NUP155: variants seen among roughly 807,000 people sequenced by gnomAD.
The protein encoded by NUP155 is nucleoporin 155.
Under a neutral mutation model 180.4 loss-of-function variants are expected in NUP155, and 71 were observed. The observed-to-expected ratio is 0.39, with a 90% CI of 0.33 to 0.48. The LOEUF (loss-of-function observed/expected upper bound fraction) is 0.48. NUP155 is among the 20% of genes least tolerant of loss of function. The pLI is 0.91. For synonymous variants in NUP155, 582 were observed against 559.5 expected (o/e 1.04, Z -0.57); for missense variants, 1,553 against 1,648.9 (o/e 0.94, Z 1.01).
intron 12 of NUP155, among the ~76,000 whole-genome samples, chr5:37,336,758 C>T (rs1429503698): frequency 6.6e-6 from 1 of 152,128 alleles, no homozygotes; most frequent in Non-Finnish European, 1.5e-5. Flanking sequence ...TGCTCCTACC[C>T]CAGCTCTTTG....
chr5:37,365,099 T>C (rs1483147425), intron 1 of NUP155, among the ~76,000 whole-genome samples: 2 of 151,426 alleles, frequency 1.3e-5, no homozygotes, highest in African/African-American at 2.4e-5. Flanking sequence ...CCATCTCTAC[T>C]AAAGACACAA....
intron 1 of NUP155, among the ~76,000 whole-genome samples, chr5:37,368,500 TGA>T (rs1317744598): frequency 1.3e-5 from 2 of 152,068 alleles, no homozygotes; most frequent in Non-Finnish European, 2.9e-5. Context: ...CCCAAAGTGC[TGA>T]GACTATTGGG....
At chr5:37,334,780 AATT>A in intron 12 of NUP155, among the ~76,000 whole-genome samples, 1 of 152,334 alleles carries the variant, frequency 6.6e-6, no homozygotes, top group Admixed American at 6.5e-5. Context: ...TCTTTAATAA[AATT>A]ATAATTCTCT....
intron 14 of NUP155, among the ~76,000 whole-genome samples, chr5:37,331,129 A>G (rs217792): frequency 0.029 from 4,327 of 150,760 alleles, 220 homozygotes; most frequent in African/African-American, 0.1. Context: ...AGCCTGGGCG[A>G]CAGAGCGAGA....
chr5:37,327,175 T>C (rs1248842549), intron 18 of NUP155: 1 of 185,834 alleles, frequency 5.4e-6, no homozygotes, highest in East Asian at 1.4e-4. Flanking sequence ...GCAGGTTTTC[T>C]GGTTTTTACG....
chr5:37,366,106 T>C (rs954166157), intron 1 of NUP155, among the ~76,000 whole-genome samples: 4 of 152,024 alleles, frequency 2.6e-5, no homozygotes, highest in African/African-American at 2.4e-5. Flanking sequence ...CTCTATAAAG[T>C]GTTCTCATGG....
At chr5:37,321,611 G>C (rs1486528695) in intron 20 of NUP155, among the ~76,000 whole-genome samples, 1 of 151,542 alleles carries the variant, frequency 6.6e-6, no homozygotes, top group Non-Finnish European at 1.5e-5. Context: ...CAGCTACTCG[G>C]GAGGCTGAGG....
intron 3 of NUP155, among the ~76,000 whole-genome samples, chr5:37,362,871 A>G (rs1747310791): frequency 6.6e-6 from 1 of 152,152 alleles, no homozygotes; most frequent in Non-Finnish European, 1.5e-5. Context: ...TATAGGTGTT[A>G]AGCTGTCATT....
intron 19 of NUP155, among the ~76,000 whole-genome samples, chr5:37,324,752 C>T (rs1277212430): frequency 1.3e-5 from 2 of 152,232 alleles, no homozygotes; most frequent in South Asian, 2.1e-4. Flanking sequence ...GGCATCTGGC[C>T]GCGTTGCCCT....
chr5:37,296,554 GGCA>G (rs891039104), intron 32 of NUP155, among the ~76,000 whole-genome samples: 11 of 147,400 alleles, frequency 7.5e-5, no homozygotes, highest in East Asian at 2.0e-4. Flanking sequence ...CGCTGCGGAA[GGCA>G]GCCGCAGGGT....
rs778642702 is a variant in NUP155, at chr5:37,364,295, A to G, written c.247T>C (p.Ser83Pro). The change falls in exon 2 of 35, where the codon TCC becomes CCC. Residue 83 changes from serine to proline, a missense_variant. Coordinates refer to ENST00000231498, the MANE Select transcript of NUP155 (RefSeq NM_153485.3). ...LSVPNLPEIS[S>P]IRRVPLPPEL... Reference sequence around the variant, plus strand: ...GGTGGGAGAGGAACTCTTCGGATGGAACTGATCTCTGGAAGGTTGGGTACG... The same window carrying G: ...GGTGGGAGAGGAACTCTTCGGATGGGACTGATCTCTGGAAGGTTGGGTACG... The G allele has an allele frequency of 1.2e-6, 2 of 1,612,882 alleles. No homozygotes were observed. Among genetic ancestry groups the G allele is most frequent in the South Asian group, 1.1e-5 (1 of 91,048 alleles).
At position 37,355,041 on chromosome 5, in the gene NUP155, G is replaced by A. The variant is rs1437300986; in HGVS notation, c.464-2212C>T. Among the ~76,000 whole-genome samples, 5 of 149,950 alleles carry A rather than the reference G, an allele frequency of 3.3e-5. 1 individual carries two copies. The highest frequency in any genetic ancestry group is 4.3e-4 in the South Asian group (2 of 4,676). Reference sequence around the variant, plus strand: ...CGGGAGGCGGAGGTTGCAGTGAGCCGAGATCGTGCCATTGCACTCCAGCCT... The same window carrying A: ...CGGGAGGCGGAGGTTGCAGTGAGCCAAGATCGTGCCATTGCACTCCAGCCT... On this transcript the variant is annotated intron_variant, in intron 4 of 34. Coordinates refer to ENST00000231498, the MANE Select transcript of NUP155 (RefSeq NM_153485.3).
chr5:37,336,980 AC>A (rs1398446482), intron 12 of NUP155, among the ~76,000 whole-genome samples: 1 of 152,154 alleles, frequency 6.6e-6, no homozygotes, highest in African/African-American at 2.4e-5. Context: ...CCAGACATTC[AC>A]ACCCCACTAG....
intron 9 of NUP155, among the ~76,000 whole-genome samples, chr5:37,346,431 G>A (rs1581192560): frequency 6.6e-6 from 1 of 152,142 alleles, no homozygotes; most frequent in East Asian, 1.9e-4. Context: ...CAGCACTTCG[G>A]GAGGCCAAGG....
intron 9 of NUP155, among the ~76,000 whole-genome samples, chr5:37,348,293 G>C (rs2150983388): frequency 6.6e-6 from 1 of 151,900 alleles, no homozygotes; most frequent in South Asian, 2.1e-4. Flanking sequence ...GACAGAGTGA[G>C]ACCCTGTCTC....
chr5:37,356,534 G>C (rs900190835), intron 4 of NUP155, among the ~76,000 whole-genome samples: 7 of 151,968 alleles, frequency 4.6e-5, no homozygotes, highest in Non-Finnish European at 8.8e-5. Flanking sequence ...AGCTACTTGA[G>C]AGGCTGAGGC....
At chr5:37,370,657 G>A in intron 1 of NUP155, 164 bp downstream of exon 1, 2 of 1,585,342 alleles carry the variant, frequency 1.3e-6, no homozygotes, top group Non-Finnish European at 1.7e-6. Flanking sequence ...AGTGAGGAAA[G>A]GAAAAAACCT....
chr5:37,343,519 A>G (rs986359729), intron 9 of NUP155, among the ~76,000 whole-genome samples: 1 of 152,158 alleles, frequency 6.6e-6, no homozygotes, highest in East Asian at 1.9e-4. Context: ...AAAGATCACA[A>G]AAAAAGACTA....
Position 37,349,195 on chromosome 5 carries a change from G to C in NUP155, c.880C>G (p.Arg294Gly), listed in dbSNP as rs1746300905. 1 of 750,682 alleles carries C rather than the reference G, an allele frequency of 1.3e-6. No individual in the cohort carries two copies. Among genetic ancestry groups the C allele is most frequent in the Admixed American group, 3.0e-5 (1 of 33,574 alleles). The allele number at this position is 750,682 out of a possible 1,614,324, so 46.5% of individuals were successfully genotyped here. A position where few individuals can be genotyped will look rare whatever the true frequency, so the allele number is the denominator to read the frequency against. The change falls in exon 8 of 35, where the codon CGA becomes GGA. Residue 294 changes from arginine (R) to glycine (G), a missense_variant. By Grantham distance (125) the Arg-to-Gly change is moderately radical. Coordinates refer to ENST00000231498, the MANE Select transcript of NUP155 (RefSeq NM_153485.3). ...ACCTGTATTACTCCTTTCTCAGATC[G>C]TGTATATAAAATATTTCTAGAATTA... The part of the protein sequence containing the change: ...IDNSRNILYT[R>G]SEKGVIQVYD...
Sources: gnomAD v4.1 joint callset for allele counts (sites outside exome capture counted in the v4.1 genomes callset) on GRCh38, gnomAD v4.1.1 for gene constraint, MANE v1.5 for transcripts, NCBI Gene and HGNC (gene_info 2026-07-23, HGNC 2026-07-21) for gene names.